The following ENOX1 variants were observed in gnomAD, a reference collection of about 807,000 sequenced individuals.
ENOX1 encodes ecto-NOX disulfide-thiol exchanger 1, also known as candidate growth-related and time keeping constitutive hydroquinone (NADH) oxidase.
In ENOX1, 42 loss-of-function variants were observed where a neutral mutation model predicts 82.5. The observed-to-expected ratio is 0.51, with a 90% confidence interval of 0.40 to 0.66. ENOX1 has a LOEUF of 0.66. Ranked by LOEUF, ENOX1 falls within the 30% of genes least tolerant of loss-of-function variation. The probability of loss-of-function intolerance (pLI) is 0.00; values close to 1 mark genes in which losing one functional copy is unlikely to be tolerated. For synonymous variants in ENOX1, 271 were observed against 282.2 expected (o/e 0.96, Z 0.40); for missense variants, 608 against 811.6 (o/e 0.75, Z 3.05).
At chr13:43,553,738 G>A (rs1380691065) in intron 2 of ENOX1, among the ~76,000 whole-genome samples, 1 of 152,138 alleles carries the variant, frequency 6.6e-6, no homozygotes, top group Admixed American at 6.6e-5. Context: ...TGAGAATAAA[G>A]TATCTTTCTT....
intron 1 of ENOX1, among the ~76,000 whole-genome samples, chr13:43,684,163 C>G (rs531873830): frequency 4.6e-5 from 7 of 151,478 alleles, no homozygotes; most frequent in Non-Finnish European, 8.8e-5. Context: ...ATCTCCCTCA[C>G]TTGAGCTCCT....
At chr13:43,763,003 T>C (rs1951071322) in intron 1 of ENOX1, among the ~76,000 whole-genome samples, 1 of 152,224 alleles carries the variant, frequency 6.6e-6, no homozygotes, top group Non-Finnish European at 1.5e-5. Context: ...TGGTATATGA[T>C]GCATTGAATC....
chr13:43,316,337 C>G (rs2047481046), intron 11 of ENOX1, among the ~76,000 whole-genome samples: 1 of 152,158 alleles, frequency 6.6e-6, no homozygotes, highest in Admixed American at 6.5e-5. Context: ...GTCCTTGGTC[C>G]TGTAGACACC....
At chr13:43,366,232 A>G (rs1373879419) in intron 5 of ENOX1, among the ~76,000 whole-genome samples, 1 of 151,722 alleles carries the variant, frequency 6.6e-6, no homozygotes, top group Non-Finnish European at 1.5e-5. Flanking sequence ...AAAAAAGGTG[A>G]TCTTAAAGTC....
At chr13:43,593,139 G>A (rs953228557) in intron 2 of ENOX1, among the ~76,000 whole-genome samples, 4 of 152,150 alleles carry the variant, frequency 2.6e-5, no homozygotes, top group African/African-American at 9.7e-5. Context: ...CAGCAGCCTA[G>A]AGTCTGACAA....
chr13:43,387,215 T>G (rs1327658777), intron 5 of ENOX1, among the ~76,000 whole-genome samples: 1 of 152,190 alleles, frequency 6.6e-6, no homozygotes, highest in Non-Finnish European at 1.5e-5. Flanking sequence ...TTTCAGATTG[T>G]GCTAAGTGCC....
intron 3 of ENOX1, among the ~76,000 whole-genome samples, chr13:43,416,418 C>T (rs2054565562): frequency 6.7e-6 from 1 of 149,770 alleles, no homozygotes; most frequent in African/African-American, 2.5e-5. Flanking sequence ...TCCTCACATC[C>T]CAGACGGGGC....
At chr13:43,295,855 T>C (rs2046257577) in intron 12 of ENOX1, among the ~76,000 whole-genome samples, 1 of 152,184 alleles carries the variant, frequency 6.6e-6, no homozygotes, top group Non-Finnish European at 1.5e-5. Flanking sequence ...ATTTTAAAAC[T>C]CTGTAAAAGA....
intron 2 of ENOX1, among the ~76,000 whole-genome samples, chr13:43,630,193 A>C (rs1384361936): frequency 6.6e-6 from 1 of 152,142 alleles, no homozygotes; most frequent in Non-Finnish European, 1.5e-5. Context: ...TTAAGTGGAC[A>C]CCCTTTATAG....
chr13:43,215,230 C>T (rs951906615), intron 16 of ENOX1, among the ~76,000 whole-genome samples: 2 of 152,186 alleles, frequency 1.3e-5, no homozygotes, highest in African/African-American at 4.8e-5. Context: ...TTAATATTCT[C>T]ATGGAAAAGA....
Position 43,705,305 on chromosome 13 carries a change from A to ACTCTCT in ENOX1, c.-284-37767_-284-37762dup, listed in dbSNP as rs33978402. 9.0e-3 allele frequency among the ~76,000 whole-genome samples: 1,193 copies of ACTCTCT among 132,602 alleles called. 9 individuals carry two copies. Among genetic ancestry groups the ACTCTCT allele is most frequent in the Non-Finnish European group, 0.013 (827 of 62,882 alleles). The allele number at this position is 132,602 out of a possible 152,430, so 87.0% of individuals were successfully genotyped here. A position where few individuals can be genotyped will look rare whatever the true frequency, so the allele number is the denominator to read the frequency against. On this transcript the variant is annotated intron_variant, in intron 1 of 16. Coordinates refer to ENST00000690772, the MANE Select transcript of ENOX1 (RefSeq NM_001347969.2). ...CATCTCAAAAAACAAACAAACAACA[A>ACTCTCT]CTCTCTCTCTCTCTCTCTCTCTCTC... is the stretch of plus-strand genomic sequence containing the variant.
At chr13:43,381,369 T>C (rs537011939) in intron 5 of ENOX1, among the ~76,000 whole-genome samples, 158 of 151,406 alleles carry the variant, frequency 1.0e-3, no homozygotes, top group African/African-American at 3.7e-3. Flanking sequence ...TAAAATTTCA[T>C]GATATGCAGC....
chr13:43,292,659 C>T (rs1225687534), intron 12 of ENOX1, among the ~76,000 whole-genome samples: 1 of 151,916 alleles, frequency 6.6e-6, no homozygotes, highest in Non-Finnish European at 1.5e-5. Context: ...AGTGAATATG[C>T]TCATTTTATC....
intron 9 of ENOX1, among the ~76,000 whole-genome samples, chr13:43,337,348 T>C (rs1410392657): frequency 1.3e-5 from 2 of 152,178 alleles, no homozygotes; most frequent in East Asian, 1.9e-4. Flanking sequence ...AAAATCTTGC[T>C]AGAGGGAAAA....
chr13:43,749,053 A>T lies in ENOX1; in HGVS notation c.-285+37599T>A, dbSNP rs77494524. On this transcript the variant is annotated intron_variant, in intron 1 of 16. Coordinates refer to ENST00000690772, the MANE Select transcript of ENOX1 (RefSeq NM_001347969.2). ...TTATGAAGGTCAAATTAGTAACCAC[A>T]GGTGAAGCACATTAAAACATGCCTA... Among the ~76,000 whole-genome samples, 696 of 152,336 alleles carry T rather than the reference A, an allele frequency of 4.6e-3. 1 individual carries two copies. Among genetic ancestry groups the T allele is most frequent in the Non-Finnish European group, 6.1e-3 (418 of 68,032 alleles).
At chr13:43,543,572 T>G (rs1045480459) in intron 2 of ENOX1, among the ~76,000 whole-genome samples, 1 of 151,844 alleles carries the variant, frequency 6.6e-6, no homozygotes, top group Non-Finnish European at 1.5e-5. Context: ...AGGACTGTTA[T>G]GTTAAAGACC....
Position 43,590,512 on chromosome 13 carries a change from C to T in ENOX1, c.-219+76967G>A, listed in dbSNP as rs529849073. ...AAAATGGGCCGGGTGTGGTGGCTCA[C>T]GCCTGTAACCTCAGCACTTTGGGAG... On this transcript the variant is annotated intron_variant, in intron 2 of 16. Transcript: ENST00000690772. 3.4e-4 allele frequency among the ~76,000 whole-genome samples: 51 copies of T among 152,142 alleles called. 2 individuals are homozygous for T. In the South Asian group the frequency reaches 8.3e-3, roughly 25 times the overall value.
At chr13:43,744,664 T>C (rs1949924396) in intron 1 of ENOX1, among the ~76,000 whole-genome samples, 1 of 152,234 alleles carries the variant, frequency 6.6e-6, no homozygotes, top group Non-Finnish European at 1.5e-5. Flanking sequence ...CTTTAATATT[T>C]CCTCAGTGTA....
chr13:43,214,688 G>A (rs2041373266), intron 16 of ENOX1, among the ~76,000 whole-genome samples: 1 of 152,108 alleles, frequency 6.6e-6, no homozygotes, highest in African/African-American at 2.4e-5. Context: ...TAAAATTCAG[G>A]TATATTTTTT....
Sources: gnomAD v4.1 joint callset for allele counts (sites outside exome capture counted in the v4.1 genomes callset) on GRCh38, gnomAD v4.1.1 for gene constraint, MANE v1.5 for transcripts, NCBI Gene and HGNC (gene_info 2026-07-23, HGNC 2026-07-21) for gene names.